IGSF10: variants seen among roughly 807,000 people sequenced by gnomAD.
IGSF10 encodes the protein immunoglobulin superfamily member 10.
Under a neutral mutation model 128.2 loss-of-function variants are expected in IGSF10, and 126 were observed. The ratio of observed to expected loss-of-function variants is 0.98; its 90% confidence interval spans 0.85 to 1.14. The LOEUF is 1.14. Ranked by LOEUF, IGSF10 falls within the 50% of genes most tolerant of loss-of-function variation. The pLI is 0.00. For missense variants in IGSF10, 3,295 were observed against 3,149.8 expected (o/e 1.05, Z -1.10); for synonymous variants, 1,185 against 1,146.2 (o/e 1.03, Z -0.68).
chr3:151,567,345 T>C, the IGSF10 span, among the ~76,000 whole-genome samples: 3 of 152,204 alleles, frequency 2.0e-5, no homozygotes, highest in Non-Finnish European at 4.4e-5. Context: ...TTGAGAAGCC[T>C]AGTCACTCTG....
Position 151,449,190 on chromosome 3 carries a change from G to T in IGSF10, c.791C>A (p.Ser264Tyr). 1 of 1,614,132 alleles carries T rather than the reference G, an allele frequency of 6.2e-7. No homozygotes were observed. The highest frequency in any genetic ancestry group is 8.5e-7 in the Non-Finnish European group (1 of 1,180,030). ...QCPLCMNPRT[S>Y]KGKPLAMVSA... is the part of the protein sequence containing the mutation. ...GACCATAGCTAACGGCTTGCCTTTAGAAGTCCTAGGGTTCATGCAAAGTGG... is the reference window on the plus strand; with the variant it reads ...GACCATAGCTAACGGCTTGCCTTTATAAGTCCTAGGGTTCATGCAAAGTGG... Residue 264 changes from serine (S) to tyrosine (Y), a missense_variant, in exon 6 of 8, where the codon TCT becomes TAT. Coordinates refer to ENST00000282466, the MANE Select transcript of IGSF10 (RefSeq NM_178822.5).
the IGSF10 span, among the ~76,000 whole-genome samples, chr3:151,494,250 G>T: frequency 6.6e-6 from 1 of 151,386 alleles, no homozygotes. Flanking sequence ...ATTCTAAAAT[G>T]TTGTATTCTG....
chr3:151,576,723 C>T, the IGSF10 span, among the ~76,000 whole-genome samples: 1 of 152,100 alleles, frequency 6.6e-6, no homozygotes, highest in Admixed American at 6.6e-5. Context: ...AGGAAATTGC[C>T]ACCAGTACCA....
chr3:151,553,495 A>T, the IGSF10 span, among the ~76,000 whole-genome samples: 1 of 152,084 alleles, frequency 6.6e-6, no homozygotes, highest in Non-Finnish European at 1.5e-5. Context: ...ACCATGTTAA[A>T]ACATTAGAAT....
chr3:151,524,809 G>A, the IGSF10 span, among the ~76,000 whole-genome samples: 1 of 152,168 alleles, frequency 6.6e-6, no homozygotes, highest in South Asian at 2.1e-4. Flanking sequence ...TCCAAAGGTT[G>A]ATTTGAGACA....
the IGSF10 span, among the ~76,000 whole-genome samples, chr3:151,532,283 AT>A: frequency 6.6e-6 from 1 of 152,322 alleles, no homozygotes; most frequent in East Asian, 1.9e-4. Flanking sequence ...TCCTTCTGAA[AT>A]TGTTCCTAAC....
the IGSF10 span, among the ~76,000 whole-genome samples, chr3:151,571,464 T>G: frequency 6.6e-6 from 1 of 152,290 alleles, no homozygotes; most frequent in African/African-American, 2.4e-5. Flanking sequence ...TCCTAGGTAT[T>G]TTATTCTCTT....
chr3:151,539,293 G>A, the IGSF10 span, among the ~76,000 whole-genome samples: 3 of 152,128 alleles, frequency 2.0e-5, no homozygotes, highest in Non-Finnish European at 2.9e-5. Context: ...AGATGCAGAC[G>A]TGAACTTTCG....
chr3:151,492,119 G>C, the IGSF10 span, among the ~76,000 whole-genome samples: 1 of 151,984 alleles, frequency 6.6e-6, no homozygotes, highest in Admixed American at 6.6e-5. Flanking sequence ...ATGATAAAGA[G>C]TTAATATCCA....
the IGSF10 span, among the ~76,000 whole-genome samples, chr3:151,493,566 C>T: frequency 2.0e-5 from 3 of 152,140 alleles, no homozygotes; most frequent in Non-Finnish European, 4.4e-5. Context: ...AGTACAATAA[C>T]ATCCAGTACA....
At chr3:151,545,371 A>C in the IGSF10 span, among the ~76,000 whole-genome samples, 2 of 152,230 alleles carry the variant, frequency 1.3e-5, no homozygotes, top group Admixed American at 6.5e-5. Context: ...GGAGATACTA[A>C]GAGATTTTTC....
chr3:151,442,022 C>A (rs980891571), intron 7 of IGSF10, among the ~76,000 whole-genome samples: 2 of 152,236 alleles, frequency 1.3e-5, no homozygotes, highest in Non-Finnish European at 2.9e-5. Context: ...GATCCTGCCA[C>A]TGCACTCCAG....
At chr3:151,438,637 G>T in intron 7 of IGSF10, 40 bp from the exon 8 acceptor site, 1 of 1,509,536 alleles carries the variant, frequency 6.6e-7, no homozygotes, top group Non-Finnish European at 9.1e-7. Flanking sequence ...GCAGCTGTTA[G>T]CAATGAGGGA....
At chr3:151,506,674 G>A in the IGSF10 span, among the ~76,000 whole-genome samples, 2 of 151,898 alleles carry the variant, frequency 1.3e-5, no homozygotes, top group Non-Finnish European at 1.5e-5. Flanking sequence ...AACAATATGT[G>A]GGCCTAAAAT....
At chr3:151,520,417 A>C in the IGSF10 span, among the ~76,000 whole-genome samples, 1 of 151,846 alleles carries the variant, frequency 6.6e-6, no homozygotes, top group African/African-American at 2.4e-5. Flanking sequence ...CAAAACTGAT[A>C]AAAATTTTAT....
chr3:151,456,143 A>G (rs1721780353), intron 4 of IGSF10, among the ~76,000 whole-genome samples: 1 of 152,254 alleles, frequency 6.6e-6, no homozygotes, highest in Admixed American at 6.5e-5. Flanking sequence ...TCCTCCGAAG[A>G]CATACATTCC....
At chr3:151,603,807 GT>G in the IGSF10 span, among the ~76,000 whole-genome samples, 2 of 152,192 alleles carry the variant, frequency 1.3e-5, no homozygotes, top group African/African-American at 2.4e-5. Flanking sequence ...AAGAACTGAT[GT>G]TTCAGTTCAA....
the IGSF10 span, among the ~76,000 whole-genome samples, chr3:151,559,307 A>T: frequency 6.6e-6 from 1 of 152,172 alleles, no homozygotes; most frequent in Non-Finnish European, 1.5e-5. Flanking sequence ...GCAGTACCAC[A>T]CCTCAAGGTC....
chr3:151,573,625 T>A, the IGSF10 span, among the ~76,000 whole-genome samples: 2 of 152,250 alleles, frequency 1.3e-5, no homozygotes, highest in Non-Finnish European at 2.9e-5. Flanking sequence ...TGTGTGTCTC[T>A]GCACATGAGA....
Sources: allele counts gnomAD v4.1 joint callset (sites outside exome capture counted in the v4.1 genomes callset), GRCh38; gene constraint gnomAD v4.1.1; transcripts MANE v1.5; gene names NCBI Gene and HGNC (gene_info 2026-07-23, HGNC 2026-07-21).